The following DNAH1 variants were observed in gnomAD, a reference collection of about 807,000 sequenced individuals.
The protein encoded by DNAH1 is axonemal beta dynein heavy chain 1.
In DNAH1, 327 loss-of-function variants were observed where a neutral mutation model predicts 484.3. That is an observed-to-expected ratio of 0.68 (90% CI 0.62 to 0.74). The LOEUF (loss-of-function observed/expected upper bound fraction) is 0.74. Ranked by LOEUF, DNAH1 falls within the 30% of genes least tolerant of loss-of-function variation. DNAH1 has a pLI of 0.00. For missense variants in DNAH1, 5,052 were observed against 5,546.8 expected, an observed-to-expected ratio of 0.91 and a Z score of 2.83; for synonymous variants, 2,192 against 2,191.9, an observed-to-expected ratio of 1.00 and a Z score of 0.00.
chr3:52,379,492 G>A lies in DNAH1; in HGVS notation c.7378-413G>A, dbSNP rs549356886. On this transcript the variant is annotated intron_variant, in intron 47 of 77. Coordinates refer to ENST00000420323, the MANE Select transcript of DNAH1 (RefSeq NM_015512.5). The surrounding 1 kb of genome is among the most constrained non-coding windows in gnomAD (Gnocchi z 4.4). ...GGGCAGGTTCAGAGGAGATTGGTGG[G>A]TCATGTCAGTGTGGCTTGGTGGGTG... 6.6e-6 allele frequency among the ~76,000 whole-genome samples: 1 copy of A among 152,312 alleles called. No homozygotes were observed.
the DNAH1 span, among the ~76,000 whole-genome samples, chr3:52,310,955 T>C: frequency 5.9e-5 from 9 of 152,266 alleles, no homozygotes; most frequent in South Asian, 2.1e-4. Context: ...GTTTGTGGGA[T>C]TGACAATGAG....
intron 26 of DNAH1, 132 bp from the exon 27 acceptor site, chr3:52,359,784 C>G (rs1214379814): frequency 1.5e-5 from 18 of 1,227,016 alleles, no homozygotes; most frequent in Non-Finnish European, 2.0e-5. Flanking sequence ...TCCCTGCTCC[C>G]CTCCCAACTC....
Position 52,379,845 on chromosome 3 carries a change from T to G in DNAH1, c.7378-60T>G. ...GGCCCACCCTCCCTTGCCTGGTGGT[T>G]TGAGAGATAGCTGAGGGCTTGGGGG... On this transcript the variant is annotated intron_variant, in intron 47 of 77. Coordinates refer to ENST00000420323, the MANE Select transcript of DNAH1 (RefSeq NM_015512.5). This position sits in a 1 kb window ranked among gnomAD's most constrained non-coding sequence, Gnocchi z 4.4. 6.9e-7 allele frequency: 1 copy of G among 1,453,050 alleles called. No individual in the cohort carries two copies. Among genetic ancestry groups the G allele is most frequent in the Non-Finnish European group, 9.3e-7 (1 of 1,071,608 alleles). 90.0% of individuals were successfully genotyped at this position (1,453,050 alleles called of 1,614,324 possible).
Position 52,361,522 on chromosome 3 carries a change from C to A in DNAH1, c.4875-139C>A. ...CTGGGGGCATTGGGGTGGGGAGTGG[C>A]AGTGGGTTGAAGACTGAGCTGATGG... On this transcript the variant is annotated intron_variant, in intron 29 of 77. Transcript: ENST00000420323. This position sits in a 1 kb window ranked among gnomAD's most constrained non-coding sequence, Gnocchi z 5.6. The A allele has an allele frequency of 8.2e-7, 1 of 1,214,830 alleles. No homozygotes were observed. Among genetic ancestry groups the A allele is most frequent in the Non-Finnish European group, 1.2e-6 (1 of 867,474 alleles). The allele number at this position is 1,214,830 out of a possible 1,614,324, so 75.3% of individuals were successfully genotyped here.
intron 8 of DNAH1, among the ~76,000 whole-genome samples, chr3:52,338,799 G>T (rs1178904978): frequency 6.6e-6 from 1 of 151,814 alleles, no homozygotes; most frequent in African/African-American, 2.4e-5. Context: ...GCTGAGGTGG[G>T]TGGATCGCCT....
At chr3:52,370,444 G>A (rs1703284858) in intron 39 of DNAH1, 33 bp from the exon 40 acceptor site, 2 of 1,613,694 alleles carry the variant, frequency 1.2e-6, no homozygotes, top group East Asian at 2.2e-5. Context: ...TACTGTTCCT[G>A]TCTCAGCCTG....
Position 52,379,643 on chromosome 3 carries a change from C to A in DNAH1, c.7378-262C>A, listed in dbSNP as rs191330976. On this transcript the variant is annotated intron_variant, in intron 47 of 77. Transcript: ENST00000420323. The surrounding 1 kb of genome is among the most constrained non-coding windows in gnomAD (Gnocchi z 4.4). ...CTTGTGACAAGCTAGCAGAGCCAGA[C>A]ACCCAGAGGGCACTTGGCCAGCTGG... 2.0e-4 allele frequency among the ~76,000 whole-genome samples: 30 copies of A among 152,314 alleles called. No homozygotes were observed. The East Asian group carries it at 3.7e-3, about 19-fold the overall frequency.
intron 1 of DNAH1, chr3:52,317,862 A>G (rs1181997363): frequency 6.6e-6 from 1 of 152,234 alleles, no homozygotes; most frequent in Non-Finnish European, 1.5e-5. Context: ...GTCCCTCCCT[A>G]GAGACGGGGC....
In DNAH1 at chr3:52,359,395, C is replaced by A; in HGVS notation, c.4407+9C>A. ...CCCAGCTCTGCCAGCAGGTTGGAGT[C>A]AAGAGGACCCCTGTCTGTCCCCCTC... On this transcript the variant is annotated intron_variant, in intron 26 of 77. Coordinates refer to ENST00000420323, the MANE Select transcript of DNAH1 (RefSeq NM_015512.5). 1 of 1,567,592 alleles carries A rather than the reference C, an allele frequency of 6.4e-7. No individual in the cohort carries two copies. The highest frequency in any genetic ancestry group is 8.7e-7 in the Non-Finnish European group (1 of 1,155,966).
chr3:52,317,630 G>A (rs1298407754), intron 1 of DNAH1, among the ~76,000 whole-genome samples: 3 of 152,264 alleles, frequency 2.0e-5, no homozygotes, highest in Admixed American at 2.0e-4. Flanking sequence ...GCACAGGAGG[G>A]AAGATGGGTG....
chr3:52,366,684 T>G, intron 35 of DNAH1, 49 bp from the exon 36 acceptor site: 1 of 1,410,264 alleles, frequency 7.1e-7, no homozygotes, highest in East Asian at 2.6e-5. Flanking sequence ...CCCAGCCCAC[T>G]CTAGCCCTGC....
At chr3:52,389,364 C>G in intron 59 of DNAH1, 97 bp from the exon 60 acceptor site, 10 of 1,548,864 alleles carry the variant, frequency 6.5e-6, no homozygotes, top group Non-Finnish European at 8.8e-6. Context: ...TGTCTGAGCT[C>G]AGATCTCTGC....
rs190257973 is a variant in DNAH1 at position 52,353,328 on chromosome 3, T to G, written c.3226+27T>G. The G allele has an allele frequency of 1.9e-6, 3 of 1,608,298 alleles. No individual in the cohort carries two copies. The African/African-American group carries it at 4.0e-5, about 22-fold the overall frequency. ...TAGGGAGCCAAGCCGGCCAATCCCC[T>G]CCTCCCTGCCTCTGCCGCCTGCCTC... On this transcript the variant is annotated intron_variant, in intron 19 of 77. Transcript: ENST00000420323. This position sits in a 1 kb window ranked among gnomAD's most constrained non-coding sequence, Gnocchi z 5.0.
At chr3:52,370,943 CAG>C in intron 41 of DNAH1, 118 bp downstream of exon 41, 1 of 964,240 alleles carries the variant, frequency 1.0e-6, no homozygotes, top group South Asian at 1.6e-5. Context: ...AGGTCTCAGG[CAG>C]CGGTTATTTG....
At position 52,362,411 on chromosome 3, in the gene DNAH1, T is replaced by G. The variant is rs746782436; in HGVS notation, c.5004T>G (p.Gly1668=). 108 of 1,613,724 alleles carry G rather than the reference T, an allele frequency of 6.7e-5. No individual in the cohort carries two copies. Among genetic ancestry groups the G allele is most frequent in the Non-Finnish European group, 8.8e-5 (104 of 1,179,854 alleles). ...AGGTGGAACGCTTCATGTTTGAGGG[T>G]GTGGAGATCCCACTGGTGCCATCCT... is the stretch of plus-strand genomic sequence containing the variant. ...QQRVERFMFE[G]VEIPLVPSCA... The change falls in exon 31 of 78, where the codon GGT becomes GGG. Residue 1668 remains glycine, a synonymous_variant. Transcript: ENST00000420323. This position sits in a 1 kb window ranked among gnomAD's most constrained non-coding sequence, Gnocchi z 5.1.
chr3:52,389,863 G>A (rs1704294612), intron 60 of DNAH1, among the ~76,000 whole-genome samples: 1 of 152,246 alleles, frequency 6.6e-6, no homozygotes. Context: ...TGTAATCCCA[G>A]CATTTTGGGA....
rs1704457451 is a variant in DNAH1 at position 52,392,884 on chromosome 3, G to T, written c.10333G>T (p.Glu3445Ter). ...GAAGGACATCGACCTGACGCGCATG[G>T]AGTACATACCCGTGGCCATCCGCAC... ...TEKDIDLTRM[E>*]YIPVAIRTQI... is the part of the protein sequence containing the mutation. Residue 3445 changes from glutamate (E) to a stop codon, truncating the protein, a stop_gained, in exon 65 of 78, where the codon GAG becomes TAG. Coordinates refer to ENST00000420323, the MANE Select transcript of DNAH1 (RefSeq NM_015512.5). LOFTEE classifies it high-confidence loss of function. The T allele has an allele frequency of 6.2e-7, 1 of 1,610,648 alleles. No homozygotes were observed. The highest frequency in any genetic ancestry group is 8.5e-7 in the Non-Finnish European group (1 of 1,179,336).
intron 39 of DNAH1, 78 bp downstream of exon 39, chr3:52,370,307 G>A (rs1578158288): frequency 6.4e-7 from 1 of 1,570,154 alleles, no homozygotes; most frequent in Non-Finnish European, 8.7e-7. Flanking sequence ...GGGCCTGAAA[G>A]AGAGAATTGG....
Position 52,332,245 on chromosome 3 carries a change from C to T in DNAH1, c.1137C>T (p.Asn379=), listed in dbSNP as rs774546375. ...TCGCACAACGTGTGGTCCAGGCCAA[C>T]GCCCTGCGCAAGAACACGGAAGCAC... ...CMFAQRVVQA[N]ALRKNTEALL... Residue 379 remains asparagine (N), a synonymous_variant, in exon 8 of 78, where the codon AAC becomes AAT. Coordinates refer to ENST00000420323, the MANE Select transcript of DNAH1 (RefSeq NM_015512.5). The T allele has an allele frequency of 8.7e-6, 14 of 1,613,966 alleles. No individual in the cohort carries two copies. Among genetic ancestry groups the T allele is most frequent in the East Asian group, 4.5e-5 (2 of 44,878 alleles).
Sources: allele counts gnomAD v4.1 joint callset (sites outside exome capture counted in the v4.1 genomes callset), GRCh38; gene constraint gnomAD v4.1.1; non-coding constraint Gnocchi (gnomAD v3.1); transcripts MANE v1.5; gene names NCBI Gene and HGNC (gene_info 2026-07-23, HGNC 2026-07-21).